The following DHX36 variants were observed in gnomAD, a reference collection of about 807,000 sequenced individuals.
DHX36 encodes the protein ATP-dependent DNA/RNA helicase DHX36.
Under a neutral mutation model 139.0 loss-of-function variants are expected in DHX36, and 50 were observed. That is an observed-to-expected ratio of 0.36 (90% CI 0.29 to 0.46). The LOEUF (loss-of-function observed/expected upper bound fraction) is 0.46. Among genes scored for constraint, DHX36 ranks in the 20% least tolerant of loss-of-function variants. The probability of loss-of-function intolerance (pLI) is 1.00; values close to 1 mark genes in which losing one functional copy is unlikely to be tolerated. For synonymous variants in DHX36, 425 were observed against 401.9 expected (o/e 1.06, Z -0.69); for missense variants, 1,024 against 1,211.3 (o/e 0.85, Z 2.29).
intron 5 of DHX36, among the ~76,000 whole-genome samples, chr3:154,308,040 T>G (rs887125829): frequency 6.6e-6 from 1 of 151,838 alleles, no homozygotes; most frequent in Non-Finnish European, 1.5e-5. Flanking sequence ...GGACATAGAG[T>G]GTGGAATGGC....
intron 3 of DHX36, chr3:154,312,374 T>A (rs1443950799): frequency 6.6e-6 from 1 of 152,190 alleles, no homozygotes; most frequent in Admixed American, 6.5e-5. Flanking sequence ...TTCCTATATT[T>A]ATGTGACAAT....
intron 17 of DHX36, among the ~76,000 whole-genome samples, chr3:154,287,336 G>C (rs1220107548): frequency 6.6e-6 from 1 of 152,138 alleles, no homozygotes; most frequent in Non-Finnish European, 1.5e-5. Flanking sequence ...TAACCTTTGA[G>C]AATGATACAT....
At chr3:154,307,876 C>T (rs1480791033) in intron 5 of DHX36, among the ~76,000 whole-genome samples, 1 of 151,762 alleles carries the variant, frequency 6.6e-6, no homozygotes, top group African/African-American at 2.4e-5. Flanking sequence ...AATCTAAGTG[C>T]TCATCAATGG....
chr3:154,301,025 T>G lies in DHX36; in HGVS notation c.1320A>C (p.Lys440Asn). 6.2e-7 allele frequency: 1 copy of G among 1,613,502 alleles called. No individual in the cohort carries two copies. Among genetic ancestry groups the G allele is most frequent in the Non-Finnish European group, 8.5e-7 (1 of 1,179,918 alleles). The change falls in exon 10 of 25, where the codon AAA becomes AAC. Residue 440 changes from lysine (K) to asparagine (N), a missense_variant. Physicochemically the swap from Lys to Asn is moderately conservative, Grantham distance 94. This residue lies in a region of DHX36 where 115 missense variants were observed against 105.6 expected (regional missense o/e 1.09). Transcript: ENST00000496811. ...QEKEEKEAIY[K>N]ERWPDYVREL... is the part of the protein sequence containing the mutation. ...CCCTTACATAATCTGGCCAACGTTC[T>G]TTATATATTGCTTCTTTTTCTTCTT...
chr3:154,284,849 T>C lies in DHX36; in HGVS notation c.2170A>G (p.Ser724Gly), dbSNP rs1383306234. ...ACAAATGGATCTTTGAAACTGAGAC[T>C]AGCAGCAATAGTGAGTACTGGGTCT... ...CLDPVLTIAA[S>G]LSFKDPFVIP... The change falls in exon 18 of 25, where the codon AGT becomes GGT. Residue 724 changes from serine to glycine, a missense_variant. Physicochemically the swap from Ser to Gly is moderately conservative, Grantham distance 56 (BLOSUM62 0). Coordinates refer to ENST00000496811, the MANE Select transcript of DHX36 (RefSeq NM_020865.3). The C allele has an allele frequency of 1.2e-6, 2 of 1,613,936 alleles. No individual in the cohort carries two copies. Among genetic ancestry groups the C allele is most frequent in the Non-Finnish European group, 8.5e-7 (1 of 1,179,968 alleles).
At chr3:154,277,305 T>C (rs1355669871) in intron 23 of DHX36, among the ~76,000 whole-genome samples, 2 of 152,154 alleles carry the variant, frequency 1.3e-5, no homozygotes, top group African/African-American at 4.8e-5. Flanking sequence ...AAACTTTCTA[T>C]ACAATGTAAA....
Position 154,277,765 on chromosome 3 carries a change from A to C in DHX36, c.2568-47T>G, listed in dbSNP as rs1719196818. ...AGTTTGTTAAAAAGAAGTCTTCTAG[A>C]GGATTTTCTTTTTTTACACTACTTG... On this transcript the variant is annotated intron_variant, in intron 22 of 24. Coordinates refer to ENST00000496811, the MANE Select transcript of DHX36 (RefSeq NM_020865.3). 5 of 1,508,192 alleles carry C rather than the reference A, an allele frequency of 3.3e-6. No individual in the cohort carries two copies. In the South Asian group the frequency reaches 5.6e-5, roughly 17 times the overall value. 93.4% of individuals were successfully genotyped at this position (1,508,192 alleles called of 1,614,324 possible).
intron 19 of DHX36, 106 bp downstream of exon 19, chr3:154,284,477 G>A (rs775244516): frequency 2.3e-5 from 23 of 1,008,658 alleles, no homozygotes; most frequent in Admixed American, 8.6e-5. Context: ...CACCGCGCCC[G>A]GCCTTATAAC....
intron 17 of DHX36, among the ~76,000 whole-genome samples, chr3:154,287,157 T>G (rs1711572858): frequency 1.3e-5 from 2 of 152,202 alleles, no homozygotes; most frequent in African/African-American, 4.8e-5. Flanking sequence ...AGATGAACTT[T>G]TCTATAAATG....
At position 154,275,347 on chromosome 3, in the gene DHX36, C is replaced by T. The variant is rs1384148979; in HGVS notation, c.*824G>A. ...GGAATGACAAGGAAAAAAGTCTGCA[C>T]ATGTTCAGTATAGACACAACCATCC... On this transcript the variant is annotated 3_prime_UTR_variant, in exon 25 of 25. Transcript: ENST00000496811. 1.3e-5 allele frequency: 2 copies of T among 152,212 alleles called. No homozygotes were observed. The highest frequency in any genetic ancestry group is 2.9e-5 in the Non-Finnish European group (2 of 68,048). The allele number at this position is 152,212 out of a possible 1,614,324, so 9.4% of individuals were successfully genotyped here.
chr3:154,312,456 T>C (rs1216962491), intron 3 of DHX36, among the ~76,000 whole-genome samples: 1 of 152,106 alleles, frequency 6.6e-6, no homozygotes, highest in Admixed American at 6.6e-5. Flanking sequence ...GAAGCAGTCC[T>C]GTAGTTTACA....
Position 154,302,071 on chromosome 3 carries a change from T to TAAAA in DHX36, c.1218-948_1218-945dup, listed in dbSNP as rs773742984. 2.2e-3 allele frequency among the ~76,000 whole-genome samples: 225 copies of TAAAA among 103,514 alleles called. 1 individual carries two copies. Among genetic ancestry groups the TAAAA allele is most frequent in the African/African-American group, 7.6e-3 (216 of 28,356 alleles). The allele number at this position is 103,514 out of a possible 152,430, so 67.9% of individuals were successfully genotyped here. On this transcript the variant is annotated intron_variant, in intron 9 of 24. Transcript: ENST00000496811. ...TGAGATTTTTAAAAATGTGATAAAG[T>TAAAA]AAAAAAAAAAAAAAAAGTGATAAAG... is the stretch of plus-strand genomic sequence containing the variant.
At chr3:154,314,541 A>T (rs1321978424) in intron 3 of DHX36, 2 of 152,744 alleles carry the variant, frequency 1.3e-5, no homozygotes, top group African/African-American at 4.8e-5. Context: ...ACTGAAAGGG[A>T]CCTTAAAATA....
intron 20 of DHX36, among the ~76,000 whole-genome samples, chr3:154,282,095 A>C (rs945586784): frequency 1.3e-5 from 2 of 152,060 alleles, no homozygotes; most frequent in African/African-American, 4.8e-5. Context: ...TTATGTTTTC[A>C]TGCTTCTGTT....
In DHX36 at chr3:154,299,897, C is replaced by G. The variant is rs1437163102; in HGVS notation, c.1490G>C (p.Gly497Ala). ...ATGTAAAGTGCTGATATTGTCCCAG[C>G]CTGGCAGAAAGACCAGTATCGCACC... is the stretch of plus-strand genomic sequence containing the variant. The part of the protein sequence containing the change: ...EDGAILVFLP[G>A]WDNISTLHDL... Residue 497 changes from glycine (G) to alanine (A), a missense_variant, in exon 12 of 25, where the codon GGC becomes GCC. By Grantham distance (60) the Gly-to-Ala change is moderately conservative (BLOSUM62 0). Coordinates refer to ENST00000496811, the MANE Select transcript of DHX36 (RefSeq NM_020865.3). 1 of 1,613,664 alleles carries G rather than the reference C, an allele frequency of 6.2e-7. No homozygotes were observed. The highest frequency in any genetic ancestry group is 8.5e-7 in the Non-Finnish European group (1 of 1,179,684).
intron 6 of DHX36, among the ~76,000 whole-genome samples, chr3:154,305,590 C>T (rs1364970574): frequency 2.0e-5 from 3 of 152,034 alleles, no homozygotes; most frequent in African/African-American, 7.2e-5. Flanking sequence ...GGCAACACAG[C>T]GAGATCCAGG....
chr3:154,277,326 C>T (rs1719181552), intron 23 of DHX36, among the ~76,000 whole-genome samples: 1 of 151,998 alleles, frequency 6.6e-6, no homozygotes, highest in African/African-American at 2.4e-5. Context: ...CTCCTGTACA[C>T]CATAAAATAT....
At chr3:154,294,966 G>C (rs1261015972) in intron 13 of DHX36, among the ~76,000 whole-genome samples, 1 of 152,132 alleles carries the variant, frequency 6.6e-6, no homozygotes, top group Non-Finnish European at 1.5e-5. Flanking sequence ...TTCTAGGTTT[G>C]GTTACTTTTA....
At chr3:154,280,932 T>C (rs891383913) in intron 20 of DHX36, 70 bp from the exon 21 acceptor site, 3 of 1,138,160 alleles carry the variant, frequency 2.6e-6, no homozygotes, top group African/African-American at 1.5e-5. Flanking sequence ...CATACACTAA[T>C]AGATAAATTG....
Sources: gnomAD v4.1 joint callset for allele counts (sites outside exome capture counted in the v4.1 genomes callset) on GRCh38, gnomAD v4.1.1 for gene constraint, gnomAD v4.1.1 regional missense constraint, MANE v1.5 for transcripts, NCBI Gene and HGNC (gene_info 2026-07-23, HGNC 2026-07-21) for gene names.